SPTB: variants seen among roughly 807,000 people sequenced by gnomAD.
SPTB encodes spectrin beta, erythrocytic, also known as spectrin beta chain, erythrocytic.
A neutral mutation model predicts 256.2 loss-of-function variants in SPTB; 45 were observed. That is an observed-to-expected ratio of 0.18 (90% CI 0.14 to 0.23). SPTB has a LOEUF of 0.23. Ranked by LOEUF, SPTB falls within the 10% of genes least tolerant of loss-of-function variation. SPTB has a pLI of 1.00. For synonymous variants in SPTB, 1,231 were observed against 1,243.1 expected, an observed-to-expected ratio of 0.99 and a Z score of 0.21; for missense variants, 2,715 against 3,040.4, an observed-to-expected ratio of 0.89 and a Z score of 2.52.
rs3831895 is a variant in SPTB, at chr14:64,806,872, C to CTG, written c.149-1784_149-1783dup. On this transcript the variant is annotated intron_variant, in intron 2 of 35. Coordinates refer to ENST00000644917, the MANE Select transcript of SPTB (RefSeq NM_001355436.2). The surrounding 1 kb of genome is among the most constrained non-coding windows in gnomAD (Gnocchi z 4.1). The stretch of plus-strand genomic sequence containing the variant: ...AGAAGAGGAAAAGTACTACTACTGA[C>CTG]TGTGAATCCTAAATACATGTAAAAT... Among the ~76,000 whole-genome samples the CTG allele has an allele frequency of 0.44, 66,143 of 151,932 alleles. 15,798 individuals carry two copies. Among genetic ancestry groups the CTG allele is most frequent in the African/African-American group, 0.64 (26,658 of 41,392 alleles).
intron 23 of SPTB, 101 bp from the exon 24 acceptor site, chr14:64,774,628 G>T: frequency 6.6e-7 from 1 of 1,518,606 alleles, no homozygotes. Context: ...GGGAGGAGGG[G>T]AGTAGGCTTG....
intron 19 of SPTB, among the ~76,000 whole-genome samples, chr14:64,783,210 T>G: frequency 6.7e-6 from 1 of 149,032 alleles, no homozygotes; most frequent in East Asian, 2.0e-4. Context: ...AATAGTTAAT[T>G]TTTTTTTTTT....
At position 64,799,779 on chromosome 14, in the gene SPTB, G is replaced by A. The variant is rs1219009824; in HGVS notation, c.1032C>T (p.Phe344=). Residue 344 remains phenylalanine, a synonymous_variant, in exon 9 of 36, where the codon TTC becomes TTT. Transcript: ENST00000644917. ...GCTTCTCCACGGTGCGGTAGGTGCT[G>A]AAGGCCTGCAGCTGCTGCTGGACGC... ...LTGVQQQLQA[F]STYRTVEKPP... is the part of the protein sequence containing the mutation. 1 of 1,614,118 alleles carries A rather than the reference G, an allele frequency of 6.2e-7. No homozygotes were observed. The highest frequency in any genetic ancestry group is 1.3e-5 in the African/African-American group (1 of 74,946).
Position 64,830,364 on chromosome 14 carries a change from A to G in SPTB, c.-51-7219T>C, listed in dbSNP as rs60350303. 8.2e-4 allele frequency among the ~76,000 whole-genome samples: 114 copies of G among 139,196 alleles called. 2 individuals are homozygous for G. Among genetic ancestry groups the G allele is most frequent in the Middle Eastern group, 3.7e-3 (1 of 270 alleles). The allele number at this position is 139,196 out of a possible 152,430, so 91.3% of individuals were successfully genotyped here. A position where few individuals can be genotyped will look rare whatever the true frequency, so the allele number is the denominator to read the frequency against. On this transcript the variant is annotated intron_variant, in intron 1 of 35. Coordinates refer to ENST00000644917, the MANE Select transcript of SPTB (RefSeq NM_001355436.2). ...TATTATTATTATTATTATTATTATT[A>G]TTATTATTATTATTATTTTATTTTA...
chr14:64,759,818 G>C lies in SPTB; in HGVS notation c.6346-6025C>G, dbSNP rs1299954920. Among the ~76,000 whole-genome samples the C allele has an allele frequency of 6.6e-6, 1 of 152,234 alleles. No individual in the cohort carries two copies. Among genetic ancestry groups the C allele is most frequent in the African/African-American group, 2.4e-5 (1 of 41,470 alleles). On this transcript the variant is annotated intron_variant, in intron 32 of 35. Transcript: ENST00000644917. The surrounding 1 kb of genome is among the most constrained non-coding windows in gnomAD (Gnocchi z 4.8). ...CACTCTGAAGGAAGAGAGTCCCGCT[G>C]CTTGGAAGAAATTCTGGGTGTCCAG...
chr14:64,810,690 T>TAACAAC (rs1000876130), intron 2 of SPTB, among the ~76,000 whole-genome samples: 2 of 151,178 alleles, frequency 1.3e-5, no homozygotes, highest in African/African-American at 2.4e-5. Context: ...AAAACAACAA[T>TAACAAC]AACAACAACA....
intron 1 of SPTB, among the ~76,000 whole-genome samples, chr14:64,840,874 A>G (rs1294589758): frequency 1.3e-5 from 2 of 152,228 alleles, no homozygotes; most frequent in East Asian, 3.8e-4. Context: ...ACAAGACAGT[A>G]CCATTATAAA....
In SPTB at chr14:64,790,315, T is replaced by C. The variant is rs1315015939; in HGVS notation, c.2804+1404A>G. Among the ~76,000 whole-genome samples, 1 of 152,164 alleles carries C rather than the reference T, an allele frequency of 6.6e-6. No homozygotes were observed. Among genetic ancestry groups the C allele is most frequent in the Non-Finnish European group, 1.5e-5 (1 of 68,028 alleles). On this transcript the variant is annotated intron_variant, in intron 15 of 35. Coordinates refer to ENST00000644917, the MANE Select transcript of SPTB (RefSeq NM_001355436.2). The surrounding 1 kb of genome is among the most constrained non-coding windows in gnomAD (Gnocchi z 4.8). ...TGTAAAGATCAACATTCTCAGACTA[T>C]AGTTTATTGTTGAGCTGATGAGTTC...
intron 1 of SPTB, among the ~76,000 whole-genome samples, chr14:64,861,844 C>T (rs987475701): frequency 3.9e-5 from 6 of 152,196 alleles, no homozygotes; most frequent in African/African-American, 9.7e-5. Context: ...TACTCCTTTC[C>T]GACGTTAGAC....
chr14:64,826,306 A>G lies in SPTB; in HGVS notation c.-51-3161T>C, dbSNP rs2083377454. 6.6e-6 allele frequency among the ~76,000 whole-genome samples: 1 copy of G among 152,260 alleles called. No individual in the cohort carries two copies. Among genetic ancestry groups the G allele is most frequent in the Admixed American group, 6.5e-5 (1 of 15,284 alleles). On this transcript the variant is annotated intron_variant, in intron 1 of 35. Transcript: ENST00000644917. This position sits in a 1 kb window ranked among gnomAD's most constrained non-coding sequence, Gnocchi z 4.4. Reference sequence around the variant, plus strand: ...GATTTAACCCATTCTCGGCGTCACCATGTCTCTTTCCATACTGTTACAACG... The same window carrying G: ...GATTTAACCCATTCTCGGCGTCACCGTGTCTCTTTCCATACTGTTACAACG...
intron 2 of SPTB, among the ~76,000 whole-genome samples, chr14:64,812,975 T>A (rs400646): frequency 0.12 from 17,962 of 152,242 alleles, 1,882 homozygotes; most frequent in African/African-American, 0.28. Context: ...TATTTTGGTA[T>A]ATTAATGAGG....
rs200407185 is a variant in SPTB, at chr14:64,795,622, G to C, written c.1359C>G (p.Asp453Glu). ...RLVAQDNFGY[D>E]LAAVEAAKKK... ...TCTTGGCGGCCTCCACAGCTGCCAG[G>C]TCATACCCAAAGTTATCCTGCCCCA... The change falls in exon 12 of 36, where the codon GAC becomes GAG. Residue 453 changes from aspartate to glutamate, a missense_variant. Asp to Glu is a conservative substitution (Grantham distance 45, BLOSUM62 2). Around this residue, in one of 4 missense-constraint regions of SPTB, gnomAD observed 416 missense variants for 571.1 expected, o/e 0.73. Coordinates refer to ENST00000644917, the MANE Select transcript of SPTB (RefSeq NM_001355436.2). This position sits in a 1 kb window ranked among gnomAD's most constrained non-coding sequence, Gnocchi z 6.5. The C allele has an allele frequency of 6.2e-7, 1 of 1,613,972 alleles. No individual in the cohort carries two copies. Among genetic ancestry groups the C allele is most frequent in the East Asian group, 2.2e-5 (1 of 44,880 alleles).
rs143669491 is a variant in SPTB, at chr14:64,830,334, CTTATTATTATTATTATTATTATTATTA to C, written c.-51-7216_-51-7190del. On this transcript the variant is annotated intron_variant, in intron 1 of 35. Coordinates refer to ENST00000644917, the MANE Select transcript of SPTB (RefSeq NM_001355436.2). Reference sequence around the variant, plus strand: ...CAGACCTGATCTCAAACTCTGGAGTCTTATTATTATTATTATTATTATTATTATTATTATTATTATTATTATTTTATT... The same window carrying C: ...CAGACCTGATCTCAAACTCTGGAGTCTTATTATTATTATTATTATTTTATT... Among the ~76,000 whole-genome samples the C allele has an allele frequency of 5.6e-3, 776 of 138,588 alleles. 7 individuals carry two copies. Among genetic ancestry groups the C allele is most frequent in the Middle Eastern group, 0.018 (5 of 274 alleles). The allele number at this position is 138,588 out of a possible 152,430, so 90.9% of individuals were successfully genotyped here.
intron 32 of SPTB, chr14:64,757,149 A>G (rs1234735225): frequency 1.3e-5 from 2 of 152,234 alleles, no homozygotes; most frequent in Non-Finnish European, 2.9e-5. Context: ...GTCTCAGAGA[A>G]GCAGCCATGG....
chr14:64,753,226 GA>G (rs1416082529), intron 33 of SPTB, among the ~76,000 whole-genome samples: 1 of 152,186 alleles, frequency 6.6e-6, no homozygotes, highest in Admixed American at 6.5e-5. Flanking sequence ...TGTGTGCCAG[GA>G]ACAGTATCTG....
At position 64,795,629 on chromosome 14, in the gene SPTB, C is replaced by A. The variant is rs759470847; in HGVS notation, c.1352G>T (p.Gly451Val). The change falls in exon 12 of 36, where the codon GGG becomes GTG. Residue 451 changes from glycine to valine, a missense_variant. Around this residue, in one of 4 missense-constraint regions of SPTB, gnomAD observed 416 missense variants for 571.1 expected, o/e 0.73. Transcript: ENST00000644917. The surrounding 1 kb of genome is among the most constrained non-coding windows in gnomAD (Gnocchi z 6.5). ...GGCCTCCACAGCTGCCAGGTCATAC[C>A]CAAAGTTATCCTGCCCCACCGGGAG... is the stretch of plus-strand genomic sequence containing the variant. ...NQRLVAQDNF[G>V]YDLAAVEAAK... 5 of 1,613,866 alleles carry A rather than the reference C, an allele frequency of 3.1e-6. No homozygotes were observed. Among genetic ancestry groups the A allele is most frequent in the Admixed American group, 3.3e-5 (2 of 59,988 alleles).
chr14:64,767,202 G>C, intron 31 of SPTB, 101 bp downstream of exon 31: 1 of 1,488,834 alleles, frequency 6.7e-7, no homozygotes, highest in Non-Finnish European at 9.3e-7. Flanking sequence ...AGTGTGAGAA[G>C]TCAAATGCAA....
At position 64,749,151 on chromosome 14, in the gene SPTB, A is replaced by G. The variant is rs2081899411; in HGVS notation, c.*155T>C. On this transcript the variant is annotated 3_prime_UTR_variant, in exon 36 of 36. Coordinates refer to ENST00000644917, the MANE Select transcript of SPTB (RefSeq NM_001355436.2). This position sits in a 1 kb window ranked among gnomAD's most constrained non-coding sequence, Gnocchi z 4.7. ...GGCGTCGGCCCAGGACACGCGGGCG[A>G]AGGCAGCTTTTGCAGTGCAGCGTGG... The G allele has an allele frequency of 2.3e-6, 2 of 858,600 alleles. No homozygotes were observed. Among genetic ancestry groups the G allele is most frequent in the African/African-American group, 3.5e-5 (2 of 57,192 alleles). 53.2% of individuals were successfully genotyped at this position (858,600 alleles called of 1,614,324 possible).
At chr14:64,870,176 C>T (rs1882446260) in intron 1 of SPTB, among the ~76,000 whole-genome samples, 1 of 152,002 alleles carries the variant, frequency 6.6e-6, no homozygotes. Context: ...ACCCCAGGAC[C>T]TGGTAAGGAA....
Sources: gnomAD v4.1 joint callset for allele counts (sites outside exome capture counted in the v4.1 genomes callset) on GRCh38, gnomAD v4.1.1 for gene constraint, gnomAD v4.1.1 regional missense constraint, Gnocchi (gnomAD v3.1) non-coding constraint, MANE v1.5 for transcripts, NCBI Gene and HGNC (gene_info 2026-07-23, HGNC 2026-07-21) for gene names.